The following ADGRE1 variants were observed in gnomAD, a reference collection of about 807,000 sequenced individuals.
The protein encoded by ADGRE1 is adhesion G protein-coupled receptor E1.
Under a neutral mutation model 102.7 loss-of-function variants are expected in ADGRE1, and 82 were observed. The observed-to-expected ratio is 0.80, with a 90% CI of 0.67 to 0.96. The LOEUF (loss-of-function observed/expected upper bound fraction) is 0.96, where lower values mean the gene tolerates loss of function less well. Ranked by LOEUF, ADGRE1 falls within the 40% of genes least tolerant of loss-of-function variation. The pLI is 0.00. For missense variants in ADGRE1, 1,032 were observed against 1,085.3 expected, an observed-to-expected ratio of 0.95 and a Z score of 0.69; for synonymous variants, 398 against 399.6, an observed-to-expected ratio of 1.00 and a Z score of 0.05.
chr19:6,890,547 A>G lies in ADGRE1; in HGVS notation c.94+4A>G. ...ACACGGAAACCAAACACAAAGGGTAAGTTGGCCAGAGAGAATGCAGATGCC... is the reference window on the plus strand; with the variant it reads ...ACACGGAAACCAAACACAAAGGGTAGGTTGGCCAGAGAGAATGCAGATGCC... On this transcript the variant is annotated splice_donor_region_variant and intron_variant, in intron 2 of 20. Transcript: ENST00000312053. 1 of 1,612,908 alleles carries G rather than the reference A, an allele frequency of 6.2e-7. No homozygotes were observed. The highest frequency in any genetic ancestry group is 8.5e-7 in the Non-Finnish European group (1 of 1,179,610).
intron 12 of ADGRE1, 54 bp from the exon 13 acceptor site, chr19:6,919,494 A>G: frequency 7.4e-7 from 1 of 1,351,378 alleles, no homozygotes. Flanking sequence ...GGTCTTCTAT[A>G]ATAACAATTG....
intron 9 of ADGRE1, among the ~76,000 whole-genome samples, chr19:6,907,603 G>A (rs1974015966): frequency 6.6e-6 from 1 of 152,094 alleles, no homozygotes; most frequent in Admixed American, 6.5e-5. Flanking sequence ...GCCTCCCAAT[G>A]TTCTGGGATT....
intron 1 of ADGRE1, among the ~76,000 whole-genome samples, chr19:6,889,286 ATGATGATGG>A (rs1436205084): frequency 6.6e-6 from 1 of 151,682 alleles, no homozygotes; most frequent in African/African-American, 2.4e-5. Flanking sequence ...AATAATGATG[ATGATGATGG>A]TGATGATGAA....
At chr19:6,916,433 T>C in intron 12 of ADGRE1, 65 bp downstream of exon 12, 2 of 1,543,020 alleles carry the variant, frequency 1.3e-6, no homozygotes, top group Non-Finnish European at 8.8e-7. Flanking sequence ...TATCGATCCC[T>C]TTCTAGGTGC....
At chr19:6,902,437 T>G (rs925550347) in intron 6 of ADGRE1, among the ~76,000 whole-genome samples, 1 of 152,118 alleles carries the variant, frequency 6.6e-6, no homozygotes, top group Non-Finnish European at 1.5e-5. Context: ...TTTGGGGTTT[T>G]TTTGTTTTTT....
rs765998645 is a variant in ADGRE1, at chr19:6,897,440, G to C, written c.407G>C (p.Cys136Ser). The C allele has an allele frequency of 6.3e-7, 1 of 1,594,816 alleles. No individual in the cohort carries two copies. The change falls in exon 5 of 21, where the codon TGC (cysteine) becomes TCC (serine). Residue 136 changes from cysteine to serine, a missense_variant. Physicochemically the swap from Cys to Ser is moderately radical, Grantham distance 112. Transcript: ENST00000312053. ...CACTGCTTCTCAGATATCAATGAGT[G>C]CCTCACCAGCAGCGTCTGCCCTGAG... ...GNFSCTDINE[C>S]LTSSVCPEHS...
intron 13 of ADGRE1, 46 bp downstream of exon 13, chr19:6,919,793 A>G (rs755242154): frequency 6.3e-7 from 1 of 1,575,234 alleles, no homozygotes; most frequent in East Asian, 2.3e-5. Flanking sequence ...CCTGTTGGGA[A>G]CTCCTCGTCT....
Position 6,906,343 on chromosome 19 carries a change from G to A in ADGRE1, c.950-90G>A, listed in dbSNP as rs757303018. 6.5e-5 allele frequency: 73 copies of A among 1,120,102 alleles called. 1 individual carries two copies. Among genetic ancestry groups the A allele is most frequent in the African/African-American group, 1.9e-4 (12 of 64,284 alleles). The allele number at this position is 1,120,102 out of a possible 1,614,324, so 69.4% of individuals were successfully genotyped here. A position where few individuals can be genotyped will look rare whatever the true frequency, so the allele number is the denominator to read the frequency against. On this transcript the variant is annotated intron_variant, in intron 8 of 20. Coordinates refer to ENST00000312053, the MANE Select transcript of ADGRE1 (RefSeq NM_001974.5). ...TAGGGTAATAGATGGATTTTAAGTC[G>A]GGCACGGGAGGACATGAAATCAGAC...
chr19:6,908,870 A>G, intron 10 of ADGRE1, 98 bp downstream of exon 10: 1 of 1,140,480 alleles, frequency 8.8e-7, no homozygotes, highest in Non-Finnish European at 1.3e-6. Flanking sequence ...GTGGTGGCTC[A>G]CACCCATAAT....
In ADGRE1 at chr19:6,928,642, T is replaced by A. The variant is rs185566878; in HGVS notation, c.2289+431T>A. On this transcript the variant is annotated intron_variant, in intron 17 of 20. Transcript: ENST00000312053. The stretch of plus-strand genomic sequence containing the variant: ...AAACTCCGTCTCAAAAAAAAAAAAA[T>A]AAATAAATAAGTTATCGGCCAGGTT... The A allele has an allele frequency of 5.3e-3, 828 of 156,896 alleles. 5 individuals carry two copies. The highest frequency in any genetic ancestry group is 9.6e-3 in the Admixed American group (149 of 15,462). The allele number at this position is 156,896 out of a possible 1,614,324, so 9.7% of individuals were successfully genotyped here.
At chr19:6,913,856 T>C (rs1320220071) in intron 11 of ADGRE1, 26 bp downstream of exon 11, 1 of 1,528,840 alleles carries the variant, frequency 6.5e-7, no homozygotes, top group South Asian at 1.3e-5. Flanking sequence ...TGTGGCAAGG[T>C]TACACCTAGG....
In ADGRE1 at chr19:6,919,691, GGA is replaced by G. The variant is rs1974559133; in HGVS notation, c.1569_1570del (p.Lys524GlufsTer22). On this transcript the variant is annotated frameshift_variant, in exon 13 of 21. Coordinates refer to ENST00000312053, the MANE Select transcript of ADGRE1 (RefSeq NM_001974.5). LOFTEE classifies it high-confidence loss of function. ...TCGAGTCGTTGGGGGCATAATGACT[GGA>G]GAGAAGAAAGACGGCTTCTCAGATC... is the stretch of plus-strand genomic sequence containing the variant. The part of the protein sequence containing the change: ...NSRVVGGIMT[G>X]EKKDGFSDPI... 4 of 1,613,454 alleles carry G rather than the reference GGA, an allele frequency of 2.5e-6. No homozygotes were observed. The highest frequency in any genetic ancestry group is 3.4e-6 in the Non-Finnish European group (4 of 1,179,860).
Position 6,919,702 on chromosome 19 carries a change from A to C in ADGRE1, c.1575A>C (p.Lys525Asn). The change falls in exon 13 of 21, where the codon AAA becomes AAC. Residue 525 changes from lysine to asparagine, a missense_variant. Physicochemically the swap from Lys to Asn is moderately conservative, Grantham distance 94. Coordinates refer to ENST00000312053, the MANE Select transcript of ADGRE1 (RefSeq NM_001974.5). ...GGGGCATAATGACTGGAGAGAAGAA[A>C]GACGGCTTCTCAGATCCAATCATCT... ...VVGGIMTGEK[K>N]DGFSDPIIYT... 6.2e-7 allele frequency: 1 copy of C among 1,613,086 alleles called. No homozygotes were observed. Among genetic ancestry groups the C allele is most frequent in the South Asian group, 1.1e-5 (1 of 91,020 alleles).
At chr19:6,933,533 A>C (rs1381913341) in intron 17 of ADGRE1, among the ~76,000 whole-genome samples, 1 of 151,946 alleles carries the variant, frequency 6.6e-6, no homozygotes, top group African/African-American at 2.4e-5. Context: ...GATTACAGGC[A>C]TGCAGCACCA....
At chr19:6,939,884 G>A (rs746737612) in intron 20 of ADGRE1, 140 bp from the exon 21 acceptor site, 24 of 1,009,796 alleles carry the variant, frequency 2.4e-5, no homozygotes, top group African/African-American at 1.8e-4. Flanking sequence ...AGGGACAATC[G>A]CATTTAACAT....
At chr19:6,905,415 C>T (rs151221425) in intron 8 of ADGRE1, among the ~76,000 whole-genome samples, 1,696 of 150,250 alleles carry the variant, frequency 0.011, 32 homozygotes, top group African/African-American at 0.034. Context: ...TGCAGGGGCG[C>T]GATCTCAGCT....
intron 5 of ADGRE1, among the ~76,000 whole-genome samples, chr19:6,899,404 C>T (rs904251390): frequency 2.6e-5 from 4 of 152,096 alleles, no homozygotes; most frequent in East Asian, 3.9e-4. Context: ...CTGGGCTGGG[C>T]GCGGTGGCTC....
intron 5 of ADGRE1, among the ~76,000 whole-genome samples, chr19:6,900,628 G>A (rs1468986925): frequency 6.6e-6 from 1 of 152,158 alleles, no homozygotes; most frequent in South Asian, 2.1e-4. Flanking sequence ...CTACACTGCA[G>A]CCAGAATGTC....
In ADGRE1 at chr19:6,908,718, C is replaced by A. The variant is rs768707233; in HGVS notation, c.1068C>A (p.Ile356=). ...CCTTTTGTGCACAAATAAATAACAT[C>A]TTCAGCGTTCTGGACAAAGTGTGTG... is the stretch of plus-strand genomic sequence containing the variant. The part of the protein sequence containing the change: ...YVSFCAQINN[I]FSVLDKVCEN... Residue 356 remains isoleucine (I), a synonymous_variant, in exon 10 of 21, where the codon ATC becomes ATA. Transcript: ENST00000312053. 8 of 1,600,714 alleles carry A rather than the reference C, an allele frequency of 5.0e-6. 1 individual carries two copies. The South Asian group carries it at 9.0e-5, about 18-fold the overall frequency.
Sources: allele counts gnomAD v4.1 joint callset (sites outside exome capture counted in the v4.1 genomes callset), GRCh38; gene constraint gnomAD v4.1.1; transcripts MANE v1.5; gene names NCBI Gene and HGNC (gene_info 2026-07-23, HGNC 2026-07-21).